RNF17: variants seen among roughly 807,000 people sequenced by gnomAD.
The protein encoded by RNF17 is spermatogenesis associated 23.
In RNF17, 31 loss-of-function variants were observed where a neutral mutation model predicts 200.5. That is an observed-to-expected ratio of 0.15 (90% CI 0.12 to 0.21). The LOEUF is 0.21. Among genes scored for constraint, RNF17 ranks in the 10% least tolerant of loss-of-function variants. The pLI is 1.00. For synonymous variants in RNF17, 606 were observed against 637.8 expected, an observed-to-expected ratio of 0.95 and a Z score of 0.75; for missense variants, 1,628 against 1,905.1, an observed-to-expected ratio of 0.85 and a Z score of 2.71.
intron 1 of RNF17, among the ~76,000 whole-genome samples, chr13:24,766,455 T>G (rs1879709730): frequency 6.6e-6 from 1 of 152,262 alleles, no homozygotes; most frequent in Non-Finnish European, 1.5e-5. Flanking sequence ...GTTACGATAT[T>G]TCCTTTCATA....
At chr13:24,830,273 T>G (rs1271544899) in intron 16 of RNF17, among the ~76,000 whole-genome samples, 1 of 152,224 alleles carries the variant, frequency 6.6e-6, no homozygotes, top group East Asian at 1.9e-4. Context: ...CCTTTGAATA[T>G]TTAAAGCATA....
chr13:24,780,958 G>A (rs1259892248), intron 5 of RNF17, among the ~76,000 whole-genome samples: 3 of 151,924 alleles, frequency 2.0e-5, no homozygotes, highest in African/African-American at 4.8e-5. Context: ...CTCGATATAC[G>A]ATTCATCCTA....
chr13:24,830,691 TC>T (rs1889289264), intron 17 of RNF17, 92 bp downstream of exon 17: 4 of 890,478 alleles, frequency 4.5e-6, no homozygotes, highest in South Asian at 3.0e-5. Flanking sequence ...AATGTTAGTG[TC>T]CCTTTTTGTC....
intron 28 of RNF17, among the ~76,000 whole-genome samples, chr13:24,864,166 A>G (rs973249679): frequency 2.6e-5 from 4 of 152,222 alleles, no homozygotes; most frequent in African/African-American, 9.6e-5. Flanking sequence ...TAAAATGGTT[A>G]GAGGACAGAC....
At chr13:24,809,492 C>G (rs1273135089) in intron 15 of RNF17, among the ~76,000 whole-genome samples, 2 of 152,106 alleles carry the variant, frequency 1.3e-5, no homozygotes, top group Non-Finnish European at 2.9e-5. Context: ...GTGATATCCC[C>G]TTTATCATTT....
intron 31 of RNF17, among the ~76,000 whole-genome samples, chr13:24,869,021 C>T (rs1475431273): frequency 6.6e-6 from 1 of 152,150 alleles, no homozygotes; most frequent in Non-Finnish European, 1.5e-5. Flanking sequence ...ATCTCGCTTC[C>T]CTTCCTCTTC....
rs552745718 is a variant in RNF17, at chr13:24,842,628, G to A, written c.2603+467G>A. ...AATACTCACCCAGGACAGGCTAGTG[G>A]TTAGGGTGACCCCAGAAGCAGAAGA... is the stretch of plus-strand genomic sequence containing the variant. On this transcript the variant is annotated intron_variant, in intron 19 of 35. Coordinates refer to ENST00000255324, the MANE Select transcript of RNF17 (RefSeq NM_031277.3). Among the ~76,000 whole-genome samples, 64 of 152,224 alleles carry A rather than the reference G, an allele frequency of 4.2e-4. 1 individual carries two copies. The highest frequency in any genetic ancestry group is 1.3e-3 in the African/African-American group (55 of 41,536).
intron 18 of RNF17, among the ~76,000 whole-genome samples, chr13:24,838,511 A>C (rs1890254359): frequency 6.6e-6 from 1 of 152,214 alleles, no homozygotes; most frequent in South Asian, 2.1e-4. Context: ...CCAGGGATGC[A>C]GGGATGGATG....
chr13:24,837,595 A>G (rs1890152592), intron 18 of RNF17, among the ~76,000 whole-genome samples: 1 of 152,218 alleles, frequency 6.6e-6, no homozygotes, highest in African/African-American at 2.4e-5. Context: ...CTGAATGAGC[A>G]TTGGGTCAAA....
chr13:24,762,369 T>TAAAAAAAAA (rs370600110), upstream of RNF17, among the ~76,000 whole-genome samples: 6 of 113,894 alleles, frequency 5.3e-5, no homozygotes, highest in Non-Finnish European at 6.8e-5. Context: ...ACTCCATTTC[T>TAAAAAAAAA]AAAAAAAAAA....
chr13:24,885,350 A>C, the RNF17 span: 3 of 1,613,876 alleles, frequency 1.9e-6, no homozygotes, highest in Non-Finnish European at 2.5e-6. Context: ...GGATCTGGGA[A>C]GTTCAGTGGT....
chr13:24,825,253 T>C (rs1888490408), intron 15 of RNF17, among the ~76,000 whole-genome samples: 1 of 152,086 alleles, frequency 6.6e-6, no homozygotes, highest in Non-Finnish European at 1.5e-5. Context: ...GAAATACTAG[T>C]AGGAACAGTT....
chr13:24,868,252 C>T (rs901900554), intron 30 of RNF17, among the ~76,000 whole-genome samples: 2 of 151,628 alleles, frequency 1.3e-5, no homozygotes, highest in East Asian at 1.9e-4. Flanking sequence ...GGGCGGATCA[C>T]GAGGTCAGGA....
At chr13:24,827,772 C>A (rs1335030868) in intron 16 of RNF17, among the ~76,000 whole-genome samples, 1 of 148,394 alleles carries the variant, frequency 6.7e-6, no homozygotes, top group African/African-American at 2.5e-5. Context: ...CTAAAAAAGT[C>A]CAAGATCAAG....
chr13:24,827,680 C>T (rs1038751893), intron 16 of RNF17, among the ~76,000 whole-genome samples: 3 of 106,216 alleles, frequency 2.8e-5, no homozygotes, highest in Admixed American at 3.0e-4. Context: ...CCAGCCTGGG[C>T]GACAGAGCGA....
intron 9 of RNF17, 27 bp downstream of exon 9, chr13:24,789,799 G>A: frequency 8.1e-7 from 1 of 1,229,068 alleles, no homozygotes; most frequent in Non-Finnish European, 1.2e-6. Context: ...ATGGTAACAT[G>A]CCATTAGTGT....
intron 9 of RNF17, among the ~76,000 whole-genome samples, chr13:24,790,914 A>G (rs1385189668): frequency 1.3e-5 from 2 of 152,232 alleles, no homozygotes; most frequent in African/African-American, 2.4e-5. Flanking sequence ...TTGCTTGATC[A>G]TTAATTTCCC....
rs928028572 is a variant in RNF17, at chr13:24,862,901, T to C, written c.3975+108T>C. 1.1e-5 allele frequency: 6 copies of C among 562,446 alleles called. No individual in the cohort carries two copies. The Admixed American group carries it at 1.1e-4, about 10-fold the overall frequency. The allele number at this position is 562,446 out of a possible 1,614,324, so 34.8% of individuals were successfully genotyped here. On this transcript the variant is annotated intron_variant, in intron 28 of 35. Transcript: ENST00000255324. ...ATAAGCAATGGTATATACCTTCTTA[T>C]GTGAATTGCTTGTTAGCATAAAAGA...
chr13:24,887,360 G>A, the RNF17 span, among the ~76,000 whole-genome samples: 454 of 152,276 alleles, frequency 3.0e-3, 6 homozygotes, highest in African/African-American at 1.0e-2. Context: ...GATGAGCAGC[G>A]GGTGGGCGAG....
Sources: allele counts gnomAD v4.1 joint callset (sites outside exome capture counted in the v4.1 genomes callset), GRCh38; gene constraint gnomAD v4.1.1; transcripts MANE v1.5; gene names NCBI Gene and HGNC (gene_info 2026-07-23, HGNC 2026-07-21).